HTR1E: variants seen among roughly 807,000 people sequenced by gnomAD.
HTR1E encodes the protein 5-hydroxytryptamine receptor 1E.
In HTR1E, 3 loss-of-function variants were observed where a neutral mutation model predicts 3.4. The observed-to-expected ratio is 0.89, with a 90% confidence interval of 0.41 to 2.31. The LOEUF (loss-of-function observed/expected upper bound fraction) is 2.31, where lower values mean the gene tolerates loss of function less well. Ranked by LOEUF, HTR1E falls within the 30% of genes most tolerant of loss-of-function variation. The pLI is 0.05. For missense variants in HTR1E, 392 were observed against 467.0 expected (o/e 0.84, Z 1.48); for synonymous variants, 170 against 182.8 (o/e 0.93, Z 0.56).
chr6:86,989,558 G>T (rs1464052639), intron 1 of HTR1E, among the ~76,000 whole-genome samples: 1 of 152,118 alleles, frequency 6.6e-6, no homozygotes, highest in Non-Finnish European at 1.5e-5. Context: ...GTCACCTGAG[G>T]ATACATTATT....
chr6:87,007,229 A>G (rs532333503), intron 1 of HTR1E, among the ~76,000 whole-genome samples: 1 of 152,324 alleles, frequency 6.6e-6, no homozygotes, highest in South Asian at 2.1e-4. Context: ...GCACAGGAAG[A>G]CAAACTTCAC....
chr6:86,989,709 G>T (rs1377768702), intron 1 of HTR1E, among the ~76,000 whole-genome samples: 1 of 152,128 alleles, frequency 6.6e-6, no homozygotes, highest in Non-Finnish European at 1.5e-5. Context: ...AGCCCCAAAA[G>T]ATGGTCAGAA....
At chr6:86,999,467 C>A (rs1436282793) in intron 1 of HTR1E, among the ~76,000 whole-genome samples, 2 of 152,084 alleles carry the variant, frequency 1.3e-5, no homozygotes, top group African/African-American at 4.8e-5. Flanking sequence ...TCACTGAGGG[C>A]TAACATACAT....
chr6:86,951,110 G>A (rs1767234434), intron 1 of HTR1E, among the ~76,000 whole-genome samples: 2 of 152,136 alleles, frequency 1.3e-5, no homozygotes, highest in Admixed American at 6.6e-5. Context: ...ATTCCATAGT[G>A]AGTCTTTGTC....
chr6:86,962,155 T>G (rs1260457391), intron 1 of HTR1E, among the ~76,000 whole-genome samples: 1 of 152,138 alleles, frequency 6.6e-6, no homozygotes, highest in Non-Finnish European at 1.5e-5. Context: ...TTAAGGAGAA[T>G]TTTTTGGTTA....
chr6:86,955,869 C>A (rs1767315122), intron 1 of HTR1E, among the ~76,000 whole-genome samples: 1 of 151,926 alleles, frequency 6.6e-6, no homozygotes, highest in Admixed American at 6.6e-5. Flanking sequence ...ATATTGTAAA[C>A]CAAAAATAAA....
intron 1 of HTR1E, among the ~76,000 whole-genome samples, chr6:86,995,688 G>GAAAAAAAA (rs58476122): frequency 1.8e-5 from 1 of 55,202 alleles, no homozygotes; most frequent in Non-Finnish European, 3.8e-5. Flanking sequence ...AAAAAAAAAA[G>GAAAAAAAA]AAAAAAAAAA....
At chr6:86,938,008 T>C (rs1350317526) in intron 1 of HTR1E, among the ~76,000 whole-genome samples, 185 bp downstream of exon 1, 1 of 152,234 alleles carries the variant, frequency 6.6e-6, no homozygotes, top group Admixed American at 6.5e-5. Context: ...CCCTGGATTA[T>C]AGTACAGAGA....
In HTR1E at chr6:86,950,395, G is replaced by A. The variant is rs150352764; in HGVS notation, c.-186+12572G>A. On this transcript the variant is annotated intron_variant, in intron 1 of 1. Coordinates refer to ENST00000305344, the MANE Select transcript of HTR1E (RefSeq NM_000865.3). ...GATGAAGTGCACGGAAGGAATGACA[G>A]TGTGGTGGGAAGGTCCATGGCCTTA... Among the ~76,000 whole-genome samples the A allele has an allele frequency of 2.4e-4, 36 of 152,294 alleles. No individual in the cohort carries two copies. In the East Asian group the frequency reaches 3.3e-3, roughly 14 times the overall value.
chr6:86,995,325 A>AATAAATAG (rs1225538770), intron 1 of HTR1E, among the ~76,000 whole-genome samples: 7 of 150,388 alleles, frequency 4.7e-5, no homozygotes, highest in African/African-American at 1.7e-4. Flanking sequence ...TAAATAAATA[A>AATAAATAG]AGGTCTACAT....
intron 1 of HTR1E, among the ~76,000 whole-genome samples, chr6:86,959,116 C>T (rs1009581305): frequency 2.6e-5 from 4 of 152,078 alleles, no homozygotes; most frequent in Non-Finnish European, 4.4e-5. Flanking sequence ...AGTCTGAAGA[C>T]GGTCTAGAGG....
intron 1 of HTR1E, among the ~76,000 whole-genome samples, chr6:86,993,783 A>C (rs1426284542): frequency 6.6e-6 from 1 of 152,124 alleles, no homozygotes; most frequent in Non-Finnish European, 1.5e-5. Context: ...GTCAGTCATC[A>C]TATCAAAGAC....
intron 1 of HTR1E, among the ~76,000 whole-genome samples, chr6:86,954,204 C>T (rs1261489917): frequency 6.6e-6 from 1 of 152,224 alleles, no homozygotes; most frequent in Admixed American, 6.5e-5. Flanking sequence ...GGGGCTAGAA[C>T]TGTGAACTGT....
intron 1 of HTR1E, among the ~76,000 whole-genome samples, chr6:86,986,255 A>G (rs1767785245): frequency 6.6e-6 from 1 of 152,170 alleles, no homozygotes; most frequent in Non-Finnish European, 1.5e-5. Flanking sequence ...TTTTTTTCAC[A>G]GGAGAAAAGT....
intron 1 of HTR1E, among the ~76,000 whole-genome samples, chr6:86,942,167 G>C (rs983367507): frequency 6.6e-6 from 1 of 152,096 alleles, no homozygotes; most frequent in Non-Finnish European, 1.5e-5. Flanking sequence ...AAATGGGAAA[G>C]GAAAGCCCAC....
Position 87,015,757 on chromosome 6 carries a change from G to A in HTR1E, c.423G>A (p.Leu141=). The A allele has an allele frequency of 2.5e-6, 4 of 1,609,998 alleles. No individual in the cohort carries two copies. Among genetic ancestry groups the A allele is most frequent in the Non-Finnish European group, 3.4e-6 (4 of 1,177,510 alleles). Residue 141 remains leucine (L), a synonymous_variant, in exon 2 of 2, where the codon CTG becomes CTA. Transcript: ENST00000305344. ...AGAGGACGGCCAAGAGGGCCGCGCT[G>A]ATGATCCTTACCGTCTGGACCATCT... ...ARKRTAKRAA[L]MILTVWTISI... is the part of the protein sequence containing the mutation.
rs1767222863 is a variant in HTR1E, at chr6:86,950,553, A to C, written c.-186+12730A>C. On this transcript the variant is annotated intron_variant, in intron 1 of 1. Coordinates refer to ENST00000305344, the MANE Select transcript of HTR1E (RefSeq NM_000865.3). ...TGCCTCAGTTTCCTTATCTGTGATA[A>C]GAATAATATCATGTAATGATAATAC... is the stretch of plus-strand genomic sequence containing the variant. Among the ~76,000 whole-genome samples, 3 of 152,250 alleles carry C rather than the reference A, an allele frequency of 2.0e-5. 1 individual carries two copies. Among genetic ancestry groups the C allele is most frequent in the Non-Finnish European group, 2.9e-5 (2 of 68,054 alleles).
chr6:86,963,244 TATAAA>T (rs1180315013), intron 1 of HTR1E, among the ~76,000 whole-genome samples: 7 of 152,150 alleles, frequency 4.6e-5, no homozygotes, highest in Non-Finnish European at 5.9e-5. Flanking sequence ...GGAAAAAGCT[TATAAA>T]ATAAGGATAT....
intron 1 of HTR1E, among the ~76,000 whole-genome samples, chr6:87,009,601 C>T (rs1768170768): frequency 6.7e-6 from 1 of 148,626 alleles, no homozygotes; most frequent in Non-Finnish European, 1.5e-5. Flanking sequence ...GGGGTGGTGG[C>T]CGGGCAGAGG....
Sources: allele counts gnomAD v4.1 joint callset (sites outside exome capture counted in the v4.1 genomes callset), GRCh38; gene constraint gnomAD v4.1.1; transcripts MANE v1.5; gene names NCBI Gene and HGNC (gene_info 2026-07-23, HGNC 2026-07-21).